The following MAMLD1 variants were observed in gnomAD, a reference collection of about 807,000 sequenced individuals.
MAMLD1 encodes mastermind like domain containing 1, also known as mastermind-like domain-containing protein 1.
In MAMLD1, 14 loss-of-function variants were observed where a neutral mutation model predicts 45.0. That is an observed-to-expected ratio of 0.31 (90% confidence interval 0.21 to 0.49). MAMLD1 has a LOEUF of 0.49. MAMLD1 is among the 20% of genes least tolerant of loss of function. The probability of loss-of-function intolerance (pLI) is 0.99; values close to 1 mark genes in which losing one functional copy is unlikely to be tolerated. For synonymous variants in MAMLD1, 254 were observed against 247.8 expected (o/e 1.02, Z -0.24); for missense variants, 543 against 603.6 (o/e 0.90, Z 1.05).
chrX:150,370,828 C>A (rs782530751), intron 1 of MAMLD1, among the ~76,000 whole-genome samples: 1 of 111,938 alleles, frequency 8.9e-6, no homozygotes, highest in Non-Finnish European at 1.9e-5. Flanking sequence ...AAAAATATTC[C>A]CCCCGGGGGA....
intron 1 of MAMLD1, among the ~76,000 whole-genome samples, chrX:150,430,019 CTTTTTTT>C (rs1174092962): frequency 4.1e-5 from 2 of 49,231 alleles, no homozygotes; most frequent in African/African-American, 1.7e-4. Flanking sequence ...TCTTTCTTTT[CTTTTTTT>C]TTTTTTTTTT....
At chrX:150,505,674 C>T (rs1197578658) in intron 6 of MAMLD1, among the ~76,000 whole-genome samples, 1 of 112,147 alleles carries the variant, frequency 8.9e-6, no homozygotes, top group African/African-American at 3.2e-5. Context: ...GGAGAAGTGG[C>T]CCAATTCGTG....
In MAMLD1 at chrX:150,489,733, G is replaced by A. The variant is rs192797759; in HGVS notation, c.2041-13541G>A. ...GTAGAAAGAAGAGCTAGGTAACCAA[G>A]TACTCCTTTTTGTCTGCTTAGGTCT... is the stretch of plus-strand genomic sequence containing the variant. On this transcript the variant is annotated intron_variant, in intron 5 of 7. Coordinates refer to ENST00000370401, the MANE Select transcript of MAMLD1 (RefSeq NM_005491.5). Among the ~76,000 whole-genome samples the A allele has an allele frequency of 5.5e-3, 602 of 109,835 alleles. 1 individual carries two copies. The highest frequency in any genetic ancestry group is 7.5e-3 in the Non-Finnish European group (393 of 52,655).
chrX:150,371,079 G>A (rs5925531), intron 1 of MAMLD1, among the ~76,000 whole-genome samples: 26 of 109,727 alleles, frequency 2.4e-4, no homozygotes, highest in African/African-American at 8.3e-4. Flanking sequence ...GAGGACCCCC[G>A]ACCCACCCAC....
intron 2 of MAMLD1, among the ~76,000 whole-genome samples, chrX:150,461,528 A>G (rs2036038507): frequency 9.0e-6 from 1 of 111,495 alleles, no homozygotes; most frequent in African/African-American, 3.3e-5. Flanking sequence ...AGAGCATTCT[A>G]GAAAAGGGGT....
chrX:150,498,066 A>G (rs781785966), intron 5 of MAMLD1, among the ~76,000 whole-genome samples: 26 of 111,196 alleles, frequency 2.3e-4, no homozygotes, highest in Non-Finnish European at 4.3e-4. Context: ...GTTCTCAGTA[A>G]ATATTTATAA....
At chrX:150,371,199 T>C (rs973410721) in intron 1 of MAMLD1, among the ~76,000 whole-genome samples, 16 of 111,279 alleles carry the variant, frequency 1.4e-4, no homozygotes, top group African/African-American at 5.2e-4. Flanking sequence ...GGTGGGCAGG[T>C]GGGGTAAGCT....
chrX:150,458,579 C>T (rs782032484), intron 2 of MAMLD1, among the ~76,000 whole-genome samples: 40 of 112,150 alleles, frequency 3.6e-4, no homozygotes, highest in African/African-American at 1.2e-3. Context: ...AAACACCTCA[C>T]TATAGGAAAG....
intron 1 of MAMLD1, among the ~76,000 whole-genome samples, chrX:150,420,612 T>G (rs2034456903): frequency 8.9e-6 from 1 of 112,017 alleles, no homozygotes; most frequent in Admixed American, 9.4e-5. Flanking sequence ...TACAGATGGG[T>G]TTTTGGTGTG....
At chrX:150,398,261 AAGAAGAAGAAGAAGAAGAAG>A (rs2033525119) in intron 1 of MAMLD1, among the ~76,000 whole-genome samples, 1 of 27,375 alleles carries the variant, frequency 3.7e-5, no homozygotes, top group Non-Finnish European at 6.6e-5. Flanking sequence ...GGAGAAGAAG[AAGAAGAAGAAGAAGAAGAAG>A]AAGAAGAAGA....
At chrX:150,366,049 A>G (rs1264278325) in intron 1 of MAMLD1, among the ~76,000 whole-genome samples, 1 of 111,840 alleles carries the variant, frequency 8.9e-6, no homozygotes, top group Non-Finnish European at 1.9e-5. Flanking sequence ...TCTCTCATAG[A>G]GTTTGTTCGG....
chrX:150,375,872 C>T (rs1211717940), intron 1 of MAMLD1, among the ~76,000 whole-genome samples: 1 of 112,065 alleles, frequency 8.9e-6, no homozygotes, highest in Non-Finnish European at 1.9e-5. Flanking sequence ...CGTCATCAAA[C>T]AAAATGAGAG....
chrX:150,477,567 T>C (rs1424041647), intron 5 of MAMLD1, among the ~76,000 whole-genome samples: 4 of 111,659 alleles, frequency 3.6e-5, no homozygotes, highest in African/African-American at 1.3e-4. Flanking sequence ...CACAGGTTGG[T>C]GACTCCAGAA....
At chrX:150,495,288 AG>A (rs1282284674) in intron 5 of MAMLD1, among the ~76,000 whole-genome samples, 1 of 111,212 alleles carries the variant, frequency 9.0e-6, no homozygotes, top group Non-Finnish European at 1.9e-5. Context: ...ATTTAAGGGA[AG>A]AGTCCCAGGC....
rs1314022216 is a variant in MAMLD1, at chrX:150,512,022, C to T, written c.*63C>T. 9.1e-7 allele frequency: 1 copy of T among 1,098,764 alleles called. No homozygotes were observed. The highest frequency in any genetic ancestry group is 1.2e-6 in the Non-Finnish European group (1 of 842,074). The allele number at this position is 1,098,764 out of a possible 1,213,427, so 90.6% of individuals were successfully genotyped here. On this transcript the variant is annotated 3_prime_UTR_variant, in exon 8 of 8. Transcript: ENST00000370401. ...TATGTAGCCGTCCAAGAACAAGTCA[C>T]CTCCAAGTGTAGCCGGATCAAGGCA...
chrX:150,374,178 G>T (rs868912961), intron 1 of MAMLD1, among the ~76,000 whole-genome samples: 1 of 112,642 alleles, frequency 8.9e-6, no homozygotes, highest in African/African-American at 3.2e-5. Flanking sequence ...AAAATAACAC[G>T]CAATGTTGCA....
At chrX:150,366,582 A>G (rs985892311) in intron 1 of MAMLD1, among the ~76,000 whole-genome samples, 2 of 112,353 alleles carry the variant, frequency 1.8e-5, no homozygotes, top group Non-Finnish European at 3.8e-5. Context: ...GTTTGCTGCC[A>G]GCCAGAGCAG....
rs782375424 is a variant in MAMLD1 at position 150,470,622 on chromosome X, C to T, written c.1049C>T (p.Pro350Leu). 1.3e-5 allele frequency: 16 copies of T among 1,210,161 alleles called. 1 individual carries two copies. The highest frequency in any genetic ancestry group is 1.1e-4 in the South Asian group (6 of 56,812). Residue 350 changes from proline to leucine, a missense_variant, in exon 4 of 8, where the codon CCG becomes CTG. Physicochemically the swap from Pro to Leu is moderately conservative, Grantham distance 98. Transcript: ENST00000370401. ...YRPVPSPHPP[P>L]LPLPPPPPPF... is the part of the protein sequence containing the mutation. ...CCAGTGCCATCACCACACCCACCAC[C>T]GCTGCCACTGCCACCACCACCACCC...
At chrX:150,511,288 C>T (rs1453992133) in intron 7 of MAMLD1, among the ~76,000 whole-genome samples, 2 of 111,624 alleles carry the variant, frequency 1.8e-5, no homozygotes, top group Admixed American at 9.5e-5. Context: ...ATCTTAGGCA[C>T]CTGGGACTCT....
Sources: gnomAD v4.1 joint callset for allele counts (sites outside exome capture counted in the v4.1 genomes callset) on GRCh38, gnomAD v4.1.1 for gene constraint, MANE v1.5 for transcripts, NCBI Gene and HGNC (gene_info 2026-07-23, HGNC 2026-07-21) for gene names.